The following TAF3 variants were observed in gnomAD, a reference collection of about 807,000 sequenced individuals.
TAF3 encodes transcription initiation factor TFIID subunit 3.
TAF3 carries 7 observed loss-of-function variants against 80.6 expected under a neutral mutation model. The observed-to-expected ratio is 0.09, with a 90% CI of 0.05 to 0.16. The LOEUF (loss-of-function observed/expected upper bound fraction) is 0.16, where lower values mean the gene tolerates loss of function less well. Among genes scored for constraint, TAF3 ranks in the 10% least tolerant of loss-of-function variants. TAF3 has a pLI of 1.00. For synonymous variants in TAF3, 444 were observed against 446.1 expected (o/e 1.00, Z 0.06); for missense variants, 921 against 1,140.2 (o/e 0.81, Z 2.77).
chr10:7,935,313 A>G (rs1465067036), intron 2 of TAF3, among the ~76,000 whole-genome samples: 1 of 151,554 alleles, frequency 6.6e-6, no homozygotes, highest in Non-Finnish European at 1.5e-5. Context: ...AGAAAAATAA[A>G]GCGGCCAGGC....
At chr10:7,821,907 A>G (rs1017960943) in intron 1 of TAF3, among the ~76,000 whole-genome samples, 6 of 152,182 alleles carry the variant, frequency 3.9e-5, no homozygotes, top group Admixed American at 3.3e-4. Flanking sequence ...AGAATCACAT[A>G]AACTAAGCTG....
intron 2 of TAF3, among the ~76,000 whole-genome samples, chr10:7,914,562 TG>T (rs1334397948): frequency 6.6e-6 from 1 of 152,244 alleles, no homozygotes; most frequent in Non-Finnish European, 1.5e-5. Flanking sequence ...TCTCAGTAAA[TG>T]CATCTCAAAA....
Position 7,981,288 on chromosome 10 carries a change from C to T in TAF3, c.2315+3965C>T, listed in dbSNP as rs148280860. 5.0e-3 allele frequency among the ~76,000 whole-genome samples: 769 copies of T among 152,294 alleles called. 3 individuals carry two copies. Among genetic ancestry groups the T allele is most frequent in the Admixed American group, 7.5e-3 (115 of 15,290 alleles). On this transcript the variant is annotated intron_variant, in intron 4 of 6. Coordinates refer to ENST00000344293, the MANE Select transcript of TAF3 (RefSeq NM_031923.4). ...TTCCATCTATTCACCCACCCTTGCC[C>T]TCGGGCAGTGGGTCCCCCATGCCCA...
Position 8,009,164 on chromosome 10 carries a change from C to T in TAF3, c.2402C>T (p.Pro801Leu). ...RPKTPPPAPA[P>L]APGPMLVSPA... ...AAGACCCCACCGCCGGCCCCCGCGC[C>T]CGCCCCCGGCCCCATGCTCGTCAGC... Residue 801 changes from proline to leucine, a missense_variant, in exon 5 of 7, where the codon CCC becomes CTC. Coordinates refer to ENST00000344293, the MANE Select transcript of TAF3 (RefSeq NM_031923.4). The surrounding 1 kb of genome is among the most constrained non-coding windows in gnomAD (Gnocchi z 4.1). 1.3e-6 allele frequency: 2 copies of T among 1,541,902 alleles called. No individual in the cohort carries two copies. Among genetic ancestry groups the T allele is most frequent in the Non-Finnish European group, 8.7e-7 (1 of 1,143,954 alleles).
intron 2 of TAF3, among the ~76,000 whole-genome samples, chr10:7,850,770 T>C (rs1215718553): frequency 6.6e-6 from 1 of 152,092 alleles, no homozygotes; most frequent in Non-Finnish European, 1.5e-5. Context: ...CATATTCTAA[T>C]ATTTAAGAGA....
At chr10:7,977,000 CCAAA>C (rs1300080302) in intron 3 of TAF3, among the ~76,000 whole-genome samples, 2 of 151,800 alleles carry the variant, frequency 1.3e-5, no homozygotes, top group East Asian at 1.9e-4. Flanking sequence ...AAAAGTTAAC[CCAAA>C]CAAATAGAAA....
At chr10:7,837,422 C>G (rs910420010) in intron 2 of TAF3, among the ~76,000 whole-genome samples, 1 of 150,550 alleles carries the variant, frequency 6.6e-6, no homozygotes, top group African/African-American at 2.4e-5. Context: ...GCGGGCTGAT[C>G]ACTTGAGGCC....
chr10:7,830,925 A>G (rs926836422), intron 2 of TAF3, among the ~76,000 whole-genome samples: 1 of 152,174 alleles, frequency 6.6e-6, no homozygotes, highest in African/African-American at 2.4e-5. Context: ...ATGCAGCTCA[A>G]TGTGTTTCTC....
intron 2 of TAF3, among the ~76,000 whole-genome samples, chr10:7,939,576 CTACACA>C (rs755893436): frequency 6.8e-5 from 5 of 73,142 alleles, no homozygotes; most frequent in Admixed American, 2.1e-4. Flanking sequence ...TAGAAGAAAA[CTACACA>C]CACACACACA....
chr10:8,000,988 ACTT>A (rs1317733119), intron 4 of TAF3, among the ~76,000 whole-genome samples: 1 of 152,182 alleles, frequency 6.6e-6, no homozygotes, highest in Non-Finnish European at 1.5e-5. Context: ...GTGTATCACC[ACTT>A]CAGATAACAA....
intron 2 of TAF3, among the ~76,000 whole-genome samples, chr10:7,860,931 TG>T (rs1837139266): frequency 6.6e-6 from 1 of 151,978 alleles, no homozygotes; most frequent in Non-Finnish European, 1.5e-5. Flanking sequence ...TCTGAGTAGC[TG>T]GGATTACAGG....
intron 5 of TAF3, among the ~76,000 whole-genome samples, chr10:8,010,240 A>T (rs1040183589): frequency 1.3e-5 from 2 of 152,142 alleles, no homozygotes; most frequent in African/African-American, 2.4e-5. Flanking sequence ...TTTTCACTGC[A>T]TTTTCAAGCT....
intron 3 of TAF3, among the ~76,000 whole-genome samples, chr10:7,976,816 TTAAGA>T (rs1371566086): frequency 6.6e-6 from 1 of 152,186 alleles, no homozygotes; most frequent in East Asian, 1.9e-4. Flanking sequence ...TAACGCAAAC[TTAAGA>T]TGAGTTTAAT....
Position 7,860,503 on chromosome 10 carries a change from A to G in TAF3, c.409+35943A>G, listed in dbSNP as rs186233322. Among the ~76,000 whole-genome samples the G allele has an allele frequency of 8.9e-3, 1,352 of 152,208 alleles. 88 individuals are homozygous for G. Among genetic ancestry groups the G allele is most frequent in the Admixed American group, 0.085 (1,301 of 15,276 alleles). On this transcript the variant is annotated intron_variant, in intron 2 of 6. Coordinates refer to ENST00000344293, the MANE Select transcript of TAF3 (RefSeq NM_031923.4). ...TATTATTTTATGAGTGTATTTGTAC[A>G]TTTTATGGAATTATTTCGAGATACT...
At chr10:7,856,104 A>G (rs1837076637) in intron 2 of TAF3, among the ~76,000 whole-genome samples, 1 of 152,172 alleles carries the variant, frequency 6.6e-6, no homozygotes, top group African/African-American at 2.4e-5. Flanking sequence ...GCTCTTGGAA[A>G]TGGGAAATCA....
chr10:7,918,740 TTCTA>T (rs755174478), intron 2 of TAF3, among the ~76,000 whole-genome samples: 4 of 152,168 alleles, frequency 2.6e-5, no homozygotes, highest in Non-Finnish European at 5.9e-5. Context: ...TCTGCCATAT[TTCTA>T]TCTGTTACCT....
intron 2 of TAF3, among the ~76,000 whole-genome samples, chr10:7,949,778 C>T (rs572565589): frequency 6.6e-6 from 1 of 152,178 alleles, no homozygotes; most frequent in Admixed American, 6.5e-5. Context: ...ACTGCATAGA[C>T]CAAATACTTC....
intron 2 of TAF3, among the ~76,000 whole-genome samples, chr10:7,930,329 A>G (rs1313897859): frequency 6.6e-6 from 1 of 152,234 alleles, no homozygotes; most frequent in Non-Finnish European, 1.5e-5. Flanking sequence ...CTTGAATTAT[A>G]TATAACAAAT....
intron 2 of TAF3, among the ~76,000 whole-genome samples, chr10:7,887,091 C>T (rs549541726): frequency 1.1e-4 from 16 of 151,760 alleles, no homozygotes; most frequent in African/African-American, 2.7e-4. Context: ...AAAAATTAGC[C>T]GGGCGTGGTG....
Sources: gnomAD v4.1 joint callset for allele counts (sites outside exome capture counted in the v4.1 genomes callset) on GRCh38, gnomAD v4.1.1 for gene constraint, Gnocchi (gnomAD v3.1) non-coding constraint, MANE v1.5 for transcripts, NCBI Gene and HGNC (gene_info 2026-07-23, HGNC 2026-07-21) for gene names.